PTK7: variants seen among roughly 807,000 people sequenced by gnomAD.
PTK7 encodes the protein inactive tyrosine-protein kinase 7.
A neutral mutation model predicts 116.6 loss-of-function variants in PTK7; 39 were observed. The ratio of observed to expected loss-of-function variants is 0.33; its 90% CI spans 0.26 to 0.44. PTK7 has a LOEUF of 0.44. PTK7 is among the 20% of genes least tolerant of loss of function. The pLI is 1.00. For synonymous variants in PTK7, 546 were observed against 563.6 expected (o/e 0.97, Z 0.44); for missense variants, 1,169 against 1,425.6 (o/e 0.82, Z 2.90).
intron 1 of PTK7, among the ~76,000 whole-genome samples, chr6:43,077,814 C>CA (rs1766142729): frequency 6.6e-6 from 1 of 152,220 alleles, no homozygotes; most frequent in African/African-American, 2.4e-5. Flanking sequence ...CTGGTGGAAT[C>CA]AACATCTCCC....
At chr6:43,115,195 A>AT (rs200833257) in intron 1 of PTK7, among the ~76,000 whole-genome samples, 2,642 of 152,036 alleles carry the variant, frequency 0.017, 73 homozygotes, top group African/African-American at 0.06. Flanking sequence ...TAAACAGCTG[A>AT]TTTTTTTTAA....
chr6:43,131,048 C>T (rs1423931060), intron 5 of PTK7, among the ~76,000 whole-genome samples: 14 of 143,898 alleles, frequency 9.7e-5, no homozygotes, highest in African/African-American at 3.8e-4. Flanking sequence ...CACACACACA[C>T]ACACACACAC....
At chr6:43,103,209 CTG>C (rs767935568) in intron 1 of PTK7, among the ~76,000 whole-genome samples, 1 of 152,174 alleles carries the variant, frequency 6.6e-6, no homozygotes, top group Non-Finnish European at 1.5e-5. Flanking sequence ...ATAATGGAAA[CTG>C]TATTGACAGC....
chr6:43,083,675 G>C (rs1024311881), intron 1 of PTK7, among the ~76,000 whole-genome samples: 1 of 152,152 alleles, frequency 6.6e-6, no homozygotes, highest in African/African-American at 2.4e-5. Flanking sequence ...CTCGCAACTT[G>C]GTTTTACATT....
At chr6:43,095,081 C>T (rs1382718064) in intron 1 of PTK7, among the ~76,000 whole-genome samples, 5 of 148,066 alleles carry the variant, frequency 3.4e-5, no homozygotes, top group South Asian at 2.2e-4. Flanking sequence ...ATAAAAAGGC[C>T]GGGCGCAGTG....
chr6:43,135,737 CATAG>C (rs1769994591), intron 7 of PTK7, among the ~76,000 whole-genome samples: 1 of 152,210 alleles, frequency 6.6e-6, no homozygotes, highest in African/African-American at 2.4e-5. Context: ...CTTGTAAAAG[CATAG>C]TAAGGACTTT....
intron 1 of PTK7, among the ~76,000 whole-genome samples, chr6:43,123,386 G>T (rs568860811): frequency 1.3e-5 from 2 of 152,294 alleles, no homozygotes; most frequent in African/African-American, 4.8e-5. Flanking sequence ...CCTGAGAGAT[G>T]GGTAGTTGAG....
In PTK7 at chr6:43,130,809, A is replaced by C. The variant is rs2150431168; in HGVS notation, c.812+148A>C. The C allele has an allele frequency of 6.6e-6, 8 of 1,209,388 alleles. No individual in the cohort carries two copies. In the South Asian group the frequency reaches 1.2e-4, roughly 18 times the overall value. The allele number at this position is 1,209,388 out of a possible 1,614,324, so 74.9% of individuals were successfully genotyped here. On this transcript the variant is annotated intron_variant, in intron 5 of 19. Transcript: ENST00000230419. The stretch of plus-strand genomic sequence containing the variant: ...AGACACAGTTGAATGTTTTGCTTTT[A>C]CAAGATGAGTCTGACACAGGGAAGA...
intron 1 of PTK7, among the ~76,000 whole-genome samples, chr6:43,078,534 C>T (rs3828757): frequency 0.03 from 4,547 of 152,032 alleles, 99 homozygotes; most frequent in South Asian, 0.056. Flanking sequence ...TCAGGGGCAA[C>T]GGTTTTTTAA....
Position 43,145,442 on chromosome 6 carries a change from T to G in PTK7, c.2640+10T>G. 6.5e-7 allele frequency: 1 copy of G among 1,528,058 alleles called. No homozygotes were observed. The highest frequency in any genetic ancestry group is 8.9e-7 in the Non-Finnish European group (1 of 1,128,084). 94.7% of individuals were successfully genotyped at this position (1,528,058 alleles called of 1,614,324 possible). A position where few individuals can be genotyped will look rare whatever the true frequency, so the allele number is the denominator to read the frequency against. On this transcript the variant is annotated intron_variant, in intron 16 of 19. Coordinates refer to ENST00000230419, the MANE Select transcript of PTK7 (RefSeq NM_002821.5). The surrounding 1 kb of genome is among the most constrained non-coding windows in gnomAD (Gnocchi z 4.8). Reference sequence around the variant, plus strand: ...GGAATATGTGGATCTGGTATGCTGTTGGCAGGGGACGTGGGGGTCTCGGGT... The same window carrying G: ...GGAATATGTGGATCTGGTATGCTGTGGGCAGGGGACGTGGGGGTCTCGGGT...
intron 1 of PTK7, among the ~76,000 whole-genome samples, chr6:43,097,146 A>C (rs1371516811): frequency 6.6e-6 from 1 of 151,982 alleles, no homozygotes; most frequent in East Asian, 1.9e-4. Flanking sequence ...GGTTGCTTGC[A>C]TTTCTTCCTC....
At chr6:43,131,947 T>C in intron 5 of PTK7, 69 bp from the exon 6 acceptor site, 1 of 1,594,034 alleles carries the variant, frequency 6.3e-7, no homozygotes, top group Non-Finnish European at 8.6e-7. Context: ...GGAAAGGGGT[T>C]CCCTTGCATT....
At chr6:43,127,319 C>CCT (rs1224102752) in intron 1 of PTK7, among the ~76,000 whole-genome samples, 1 of 152,212 alleles carries the variant, frequency 6.6e-6, no homozygotes, top group Non-Finnish European at 1.5e-5. Flanking sequence ...TGGCTCCAGG[C>CCT]CTCTGCAAGT....
intron 1 of PTK7, among the ~76,000 whole-genome samples, chr6:43,077,230 G>A (rs532472123): frequency 6.6e-6 from 1 of 152,364 alleles, no homozygotes; most frequent in South Asian, 2.1e-4. Flanking sequence ...GGCCGAATCC[G>A]GGGATCCGAG....
chr6:43,148,834 G>A (rs1770878471), intron 17 of PTK7, among the ~76,000 whole-genome samples: 2 of 151,944 alleles, frequency 1.3e-5, no homozygotes, highest in South Asian at 4.2e-4. Context: ...GCCGAGGCGG[G>A]CAGATCACGA....
At chr6:43,147,866 T>C (rs1261936316) in intron 17 of PTK7, among the ~76,000 whole-genome samples, 2 of 152,184 alleles carry the variant, frequency 1.3e-5, no homozygotes, top group African/African-American at 4.8e-5. Context: ...TGGGACTTGC[T>C]ACACCAGCTA....
intron 1 of PTK7, among the ~76,000 whole-genome samples, chr6:43,104,808 C>CT (rs35126838): frequency 0.25 from 26,177 of 102,862 alleles, 4,652 homozygotes; most frequent in Non-Finnish European, 0.3. Flanking sequence ...ATTAGCACAA[C>CT]TTTTTTTTTT....
At chr6:43,096,615 G>T (rs1188622888) in intron 1 of PTK7, among the ~76,000 whole-genome samples, 2 of 152,218 alleles carry the variant, frequency 1.3e-5, no homozygotes, top group Non-Finnish European at 2.9e-5. Context: ...GCACCTGGTC[G>T]CTGGGGTGGT....
intron 1 of PTK7, among the ~76,000 whole-genome samples, chr6:43,116,926 C>T (rs1233430518): frequency 6.6e-6 from 1 of 152,082 alleles, no homozygotes; most frequent in Non-Finnish European, 1.5e-5. Context: ...TGGGTTCAAG[C>T]GATTCTCGTG....
Sources: gnomAD v4.1 joint callset for allele counts (sites outside exome capture counted in the v4.1 genomes callset) on GRCh38, gnomAD v4.1.1 for gene constraint, Gnocchi (gnomAD v3.1) non-coding constraint, MANE v1.5 for transcripts, NCBI Gene and HGNC (gene_info 2026-07-23, HGNC 2026-07-21) for gene names.